ARAP2: variants seen among roughly 807,000 people sequenced by gnomAD.
The protein encoded by ARAP2 is arf-GAP with Rho-GAP domain, ANK repeat and PH domain-containing protein 2.
Under a neutral mutation model 194.5 loss-of-function variants are expected in ARAP2, and 148 were observed. That is an observed-to-expected ratio of 0.76 (90% confidence interval 0.67 to 0.87). The LOEUF (loss-of-function observed/expected upper bound fraction) is 0.87, where lower values mean the gene tolerates loss of function less well. Ranked by LOEUF, ARAP2 falls within the 40% of genes least tolerant of loss-of-function variation. The pLI, the probability that ARAP2 is intolerant of heterozygous loss-of-function variation, is 0.00. For synonymous variants in ARAP2, 695 were observed against 683.5 expected (o/e 1.02, Z -0.26); for missense variants, 2,128 against 1,989.7 (o/e 1.07, Z -1.32).
At chr4:36,064,206 CTTTT>C (rs3055214), downstream of ARAP2, among the ~76,000 whole-genome samples, 1 of 144,206 alleles carries the variant, frequency 6.9e-6, no homozygotes. Flanking sequence ...TTTTTTCTTT[CTTTT>C]TTTTTTTTTT....
chr4:36,220,732 T>C (rs758473420), intron 2 of ARAP2, among the ~76,000 whole-genome samples: 1 of 152,072 alleles, frequency 6.6e-6, no homozygotes, highest in Non-Finnish European at 1.5e-5. Context: ...TTTTTAAAAA[T>C]TAATTAAAAA....
At chr4:36,229,715 T>A in intron 1 of ARAP2, 70 bp from the exon 2 acceptor site, 1 of 349,238 alleles carries the variant, frequency 2.9e-6, no homozygotes, top group Non-Finnish European at 5.2e-6. Context: ...ATACTTTCTC[T>A]GAAAAAAACA....
Position 36,229,021 on chromosome 4 carries a change from CA to C in ARAP2, c.465del (p.Ala156GlnfsTer6). On this transcript the variant is annotated frameshift_variant, in exon 2 of 33. Coordinates refer to ENST00000303965, the MANE Select transcript of ARAP2 (RefSeq NM_015230.4). LOFTEE classifies it high-confidence loss of function. Reference sequence around the variant, plus strand: ...CCCAAATTCAGGTGTGGTTCCTCTGCAGTGGGGAAGTCGCGTTTAGGAGGAG... The same window carrying C: ...CCCAAATTCAGGTGTGGTTCCTCTGCGTGGGGAAGTCGCGTTTAGGAGGAG... ...KLSPPKRDFP[T>X]AEEPHLNLGS... 2 of 1,614,114 alleles carry C rather than the reference CA, an allele frequency of 1.2e-6. No individual in the cohort carries two copies. The highest frequency in any genetic ancestry group is 1.7e-6 in the Non-Finnish European group (2 of 1,180,000).
chr4:36,202,283 G>A (rs888294829), intron 6 of ARAP2, among the ~76,000 whole-genome samples: 4 of 152,068 alleles, frequency 2.6e-5, no homozygotes, highest in African/African-American at 9.7e-5. Flanking sequence ...ATTTTAGAGA[G>A]AGAAAGATGC....
chr4:36,212,985 T>C (rs1406690360), intron 4 of ARAP2, among the ~76,000 whole-genome samples: 1 of 152,074 alleles, frequency 6.6e-6, no homozygotes, highest in African/African-American at 2.4e-5. Flanking sequence ...TTTTGTTTAA[T>C]TAACCCAATC....
intron 9 of ARAP2, among the ~76,000 whole-genome samples, chr4:36,171,517 T>C (rs1035066038): frequency 1.3e-5 from 2 of 151,388 alleles, no homozygotes; most frequent in Non-Finnish European, 2.9e-5. Flanking sequence ...CTGGGGACTG[T>C]TGTGGGGTGG....
At chr4:36,217,838 T>C (rs1472950695) in intron 2 of ARAP2, among the ~76,000 whole-genome samples, 1 of 150,924 alleles carries the variant, frequency 6.6e-6, no homozygotes, top group Admixed American at 6.6e-5. Context: ...TAGATAATAC[T>C]AGATATATGA....
chr4:36,168,963 AT>A (rs1164452668), intron 9 of ARAP2, among the ~76,000 whole-genome samples: 1 of 151,930 alleles, frequency 6.6e-6, no homozygotes, highest in Admixed American at 6.6e-5. Context: ...CTTGATTATT[AT>A]TTTTTTTAAA....
intron 1 of ARAP2, among the ~76,000 whole-genome samples, chr4:36,232,476 C>T (rs766686548): frequency 4.6e-5 from 7 of 152,210 alleles, no homozygotes; most frequent in East Asian, 1.9e-4. Flanking sequence ...ATGTGTCAGA[C>T]ACCATGCTCA....
At chr4:36,240,786 T>C (rs192122907) in intron 1 of ARAP2, among the ~76,000 whole-genome samples, 2 of 152,268 alleles carry the variant, frequency 1.3e-5, no homozygotes, top group Non-Finnish European at 2.9e-5. Flanking sequence ...CTAAGCTATG[T>C]TTTGATTATT....
At chr4:36,091,101 A>C (rs770900760) in intron 28 of ARAP2, among the ~76,000 whole-genome samples, 3 of 152,180 alleles carry the variant, frequency 2.0e-5, no homozygotes, top group Admixed American at 6.6e-5. Flanking sequence ...GAATTTTAAT[A>C]AAGTGAACAT....
chr4:36,029,507 T>C (rs1250214436), intron 5 of ARAP2, among the ~76,000 whole-genome samples: 1 of 151,946 alleles, frequency 6.6e-6, no homozygotes, highest in Non-Finnish European at 1.5e-5. Context: ...ATATCTTTAT[T>C]TTTAGTCTAT....
At chr4:36,069,828 GT>G (rs980829788) in intron 32 of ARAP2, among the ~76,000 whole-genome samples, 19 of 152,120 alleles carry the variant, frequency 1.2e-4, no homozygotes, top group Admixed American at 1.2e-3. Flanking sequence ...TGACTGAATC[GT>G]GGGGGTGGGG....
chr4:36,173,719 C>A (rs1417002964), intron 9 of ARAP2, among the ~76,000 whole-genome samples: 1 of 152,078 alleles, frequency 6.6e-6, no homozygotes, highest in African/African-American at 2.4e-5. Context: ...AAAATAAAAA[C>A]AGCTATAAAT....
In ARAP2 at chr4:36,066,964, TCAAA is replaced by T. The variant is rs1725611923; in HGVS notation, c.*939_*942del. On this transcript the variant is annotated 3_prime_UTR_variant, in exon 33 of 33. Coordinates refer to ENST00000303965, the MANE Select transcript of ARAP2 (RefSeq NM_015230.4). ...ATAATAATTTAAAAAAATCTAAAAATCAAACAAAACAACAGGACCCTGTGGTGAT... is the reference window on the plus strand; with the variant it reads ...ATAATAATTTAAAAAAATCTAAAAATCAAAACAACAGGACCCTGTGGTGAT... 1 of 152,056 alleles carries T rather than the reference TCAAA, an allele frequency of 6.6e-6. No homozygotes were observed. Among genetic ancestry groups the T allele is most frequent in the South Asian group, 2.1e-4 (1 of 4,822 alleles). The allele number at this position is 152,056 out of a possible 1,614,324, so 9.4% of individuals were successfully genotyped here.
intron 9 of ARAP2, 26 bp from the exon 10 acceptor site, chr4:36,167,073 C>A: frequency 3.1e-6 from 4 of 1,278,790 alleles, no homozygotes; most frequent in African/African-American, 1.6e-5. Flanking sequence ...ACATAAAAAA[C>A]TATAAAGAAA....
At chr4:36,055,545 CTTATTT>C (rs893319729) in intron 2 of ARAP2, among the ~76,000 whole-genome samples, 22 of 151,954 alleles carry the variant, frequency 1.4e-4, no homozygotes, top group African/African-American at 2.7e-4. Context: ...GTTTCAGGTA[CTTATTT>C]TTATTTTTAT....
chr4:36,018,318 C>T (rs771301951), intron 6 of ARAP2, among the ~76,000 whole-genome samples: 21 of 152,034 alleles, frequency 1.4e-4, no homozygotes, highest in African/African-American at 3.9e-4. Flanking sequence ...AAATTGTCAA[C>T]CCAACCCACT....
chr4:36,127,131 C>A (rs893919047), intron 21 of ARAP2, among the ~76,000 whole-genome samples: 1 of 152,066 alleles, frequency 6.6e-6, no homozygotes, highest in Non-Finnish European at 1.5e-5. Flanking sequence ...CCACTGTGCC[C>A]AGTCTTGCCA....
Sources: gnomAD v4.1 joint callset for allele counts (sites outside exome capture counted in the v4.1 genomes callset) on GRCh38, gnomAD v4.1.1 for gene constraint, MANE v1.5 for transcripts, NCBI Gene and HGNC (gene_info 2026-07-23, HGNC 2026-07-21) for gene names.